The following ITCH variants were observed in gnomAD, a reference collection of about 807,000 sequenced individuals.
The protein encoded by ITCH is itchy E3 ubiquitin protein ligase, also known as E3 ubiquitin-protein ligase Itchy homolog.
Under a neutral mutation model 126.8 loss-of-function variants are expected in ITCH, and 28 were observed. That is an observed-to-expected ratio of 0.22 (90% CI 0.16 to 0.30). The LOEUF (loss-of-function observed/expected upper bound fraction) is 0.30. Among genes scored for constraint, ITCH ranks in the 10% least tolerant of loss-of-function variants. The pLI is 1.00. For missense variants in ITCH, 631 were observed against 1,032.4 expected, an observed-to-expected ratio of 0.61 and a Z score of 5.33; for synonymous variants, 342 against 340.0, an observed-to-expected ratio of 1.01 and a Z score of -0.06.
Position 34,507,887 on chromosome 20 carries a change from C to A in ITCH, c.*93C>A. The A allele has an allele frequency of 1.1e-6, 1 of 870,874 alleles. No homozygotes were observed. Among genetic ancestry groups the A allele is most frequent in the Non-Finnish European group, 1.9e-6 (1 of 515,116 alleles). 53.9% of individuals were successfully genotyped at this position (870,874 alleles called of 1,614,324 possible). ...CACATCTTGTAAAATTGGACAATGG[C>A]TCTTTAGAGAGTTATCTGAGTGTAA... On this transcript the variant is annotated 3_prime_UTR_variant, in exon 25 of 25. Transcript: ENST00000374864.
At position 34,503,609 on chromosome 20, in the gene ITCH, A is replaced by G. The variant is rs190185182; in HGVS notation, c.2417-722A>G. On this transcript the variant is annotated intron_variant, in intron 23 of 24. Transcript: ENST00000374864. ...ATTGTAGTTTCGTTATTGTCTTTCA[A>G]ACTACTAAAATTAAGCTTTTTGTGT... 1.2e-4 allele frequency among the ~76,000 whole-genome samples: 19 copies of G among 152,304 alleles called. No homozygotes were observed. In the East Asian group the frequency reaches 1.5e-3, roughly 12 times the overall value.
chr20:34,467,764 C>A (rs1454220338), intron 14 of ITCH, among the ~76,000 whole-genome samples: 2 of 148,364 alleles, frequency 1.3e-5, no homozygotes, highest in African/African-American at 5.0e-5. Flanking sequence ...CGGCTCACCG[C>A]AACCTCGGCC....
chr20:34,412,968 A>G (rs1369215926), intron 5 of ITCH, among the ~76,000 whole-genome samples: 2 of 152,192 alleles, frequency 1.3e-5, no homozygotes, highest in African/African-American at 4.8e-5. Flanking sequence ...GAGACAAATC[A>G]AATGAATATT....
At chr20:34,459,279 A>G (rs6058052) in intron 13 of ITCH, among the ~76,000 whole-genome samples, 74,348 of 152,024 alleles carry the variant, frequency 0.49, 18,446 homozygotes, top group Middle Eastern at 0.51. Flanking sequence ...ATCCAGCATT[A>G]TTGTGGGACA....
chr20:34,445,501 T>C, intron 11 of ITCH, 40 bp downstream of exon 11: 1 of 1,589,970 alleles, frequency 6.3e-7, no homozygotes, highest in South Asian at 1.1e-5. Flanking sequence ...AAGAGTATTT[T>C]GTTTCTAGCC....
intron 12 of ITCH, among the ~76,000 whole-genome samples, 170 bp from the exon 13 acceptor site, chr20:34,457,220 T>A (rs1986090458): frequency 6.6e-6 from 1 of 152,348 alleles, no homozygotes; most frequent in African/African-American, 2.4e-5. Context: ...TCAGTAAGGA[T>A]GTGCATTTAA....
rs752247375 is a variant in ITCH at position 34,449,490 on chromosome 20, A to G, written c.1210+10A>G. ...TTGCCACCTGGATGGGGTAAGTCAC[A>G]TGAGTTTCTTCATGGAGTTCTGTCA... On this transcript the variant is annotated intron_variant, in intron 12 of 24. Coordinates refer to ENST00000374864, the MANE Select transcript of ITCH (RefSeq NM_031483.7). 3.2e-6 allele frequency: 5 copies of G among 1,564,486 alleles called. No individual in the cohort carries two copies. The highest frequency in any genetic ancestry group is 4.4e-6 in the Non-Finnish European group (5 of 1,134,836).
chr20:34,364,431 C>A (rs1350653318), intron 1 of ITCH, among the ~76,000 whole-genome samples: 5 of 151,996 alleles, frequency 3.3e-5, no homozygotes, highest in Non-Finnish European at 7.4e-5. Flanking sequence ...TGATAGAATT[C>A]GATCTTCAGG....
At chr20:34,422,095 T>C (rs1980852419) in intron 6 of ITCH, among the ~76,000 whole-genome samples, 1 of 152,214 alleles carries the variant, frequency 6.6e-6, no homozygotes, top group African/African-American at 2.4e-5. Context: ...ATAATAGTTA[T>C]TATTTATGGA....
chr20:34,401,222 C>T lies in ITCH; in HGVS notation c.70+7341C>T, dbSNP rs539083067. ...TTCCCTGTCTTTATTTACCTGTTTCCCATTTAATTATGCCTATATATAACC... is the reference window on the plus strand; with the variant it reads ...TTCCCTGTCTTTATTTACCTGTTTCTCATTTAATTATGCCTATATATAACC... On this transcript the variant is annotated intron_variant, in intron 3 of 24. Transcript: ENST00000374864. Among the ~76,000 whole-genome samples, 6 of 152,146 alleles carry T rather than the reference C, an allele frequency of 3.9e-5. No individual in the cohort carries two copies. In the South Asian group the frequency reaches 1.2e-3, roughly 32 times the overall value.
At chr20:34,451,651 T>G (rs905355003) in intron 12 of ITCH, among the ~76,000 whole-genome samples, 1 of 152,174 alleles carries the variant, frequency 6.6e-6, no homozygotes, top group African/African-American at 2.4e-5. Flanking sequence ...TTCCCAGACA[T>G]GGATGGTTTT....
chr20:34,472,996 A>G (rs1381870029), intron 16 of ITCH, among the ~76,000 whole-genome samples: 1 of 152,200 alleles, frequency 6.6e-6, no homozygotes, highest in Non-Finnish European at 1.5e-5. Flanking sequence ...CTGTTCCTTT[A>G]TCTTTTGACT....
chr20:34,440,426 C>A, intron 9 of ITCH, 82 bp downstream of exon 9: 1 of 1,003,506 alleles, frequency 1.0e-6, no homozygotes, highest in Middle Eastern at 2.1e-4. Context: ...TAACAGTAAA[C>A]AACAGTAAAC....
chr20:34,364,376 C>G (rs946371668), intron 1 of ITCH, among the ~76,000 whole-genome samples: 6 of 151,770 alleles, frequency 4.0e-5, no homozygotes, highest in African/African-American at 1.5e-4. Context: ...TAGTAAGACC[C>G]TGGAGCCAGC....
At chr20:34,374,505 G>A (rs540607852) in intron 2 of ITCH, among the ~76,000 whole-genome samples, 1 of 152,104 alleles carries the variant, frequency 6.6e-6, no homozygotes, top group East Asian at 1.9e-4. Flanking sequence ...AGTGTTAGTC[G>A]TTGTTTTCAT....
chr20:34,421,732 G>A (rs1190300664), intron 6 of ITCH, among the ~76,000 whole-genome samples: 1 of 152,108 alleles, frequency 6.6e-6, no homozygotes, highest in African/African-American at 2.4e-5. Flanking sequence ...AATATTCCAG[G>A]CATGGTGGCT....
intron 24 of ITCH, 55 bp from the exon 25 acceptor site, chr20:34,507,640 C>G: frequency 7.5e-7 from 1 of 1,329,666 alleles, no homozygotes; most frequent in Admixed American, 1.7e-5. Context: ...TACTACACTA[C>G]TCATTTGATT....
At chr20:34,368,576 G>A (rs756385775) in intron 1 of ITCH, among the ~76,000 whole-genome samples, 10 of 152,068 alleles carry the variant, frequency 6.6e-5, no homozygotes, top group Non-Finnish European at 1.5e-4. Flanking sequence ...AGCATTCTCT[G>A]GTTGGGAGGT....
At chr20:34,469,398 C>T (rs995018860) in intron 14 of ITCH, among the ~76,000 whole-genome samples, 16 of 152,096 alleles carry the variant, frequency 1.1e-4, no homozygotes, top group Admixed American at 2.6e-4. Flanking sequence ...AAGTGATTCT[C>T]CTGCCTCAGC....
Sources: allele counts gnomAD v4.1 joint callset (sites outside exome capture counted in the v4.1 genomes callset), GRCh38; gene constraint gnomAD v4.1.1; transcripts MANE v1.5; gene names NCBI Gene and HGNC (gene_info 2026-07-23, HGNC 2026-07-21).